CFAP92: variants seen among roughly 807,000 people sequenced by gnomAD.
CFAP92 encodes cilia and flagella associated protein 92 (putative), also known as uncharacterized protein CFAP92.
Under a neutral mutation model 106.3 loss-of-function variants are expected in CFAP92, and 86 were observed. That is an observed-to-expected ratio of 0.81 (90% confidence interval 0.68 to 0.97). CFAP92 has a LOEUF of 0.97. Among genes scored for constraint, CFAP92 ranks in the 50% least tolerant of loss-of-function variants. The pLI is 0.00. For synonymous variants in CFAP92, 477 were observed against 506.4 expected, an observed-to-expected ratio of 0.94 and a Z score of 0.78; for missense variants, 1,204 against 1,283.8, an observed-to-expected ratio of 0.94 and a Z score of 0.95.
chr3:128,924,432 CTTTTTTTTTT>C (rs71153151), intron 12 of CFAP92, among the ~76,000 whole-genome samples: 55 of 69,826 alleles, frequency 7.9e-4, no homozygotes, highest in African/African-American at 2.6e-3. Context: ...ACGATTGTAT[CTTTTTTTTTT>C]TTTTTTTTTT....
At chr3:128,992,516 C>T (rs1944276716) in intron 2 of CFAP92, among the ~76,000 whole-genome samples, 1 of 151,984 alleles carries the variant, frequency 6.6e-6, no homozygotes, top group Admixed American at 6.5e-5. Flanking sequence ...GAGCTGAGAT[C>T]GCACCACTGC....
At chr3:128,972,069 G>A (rs547710060) in intron 7 of CFAP92, among the ~76,000 whole-genome samples, 4 of 152,304 alleles carry the variant, frequency 2.6e-5, no homozygotes, top group Admixed American at 2.6e-4. Context: ...GCCAGAAGTG[G>A]CATTTCAAAT....
intron 12 of CFAP92, among the ~76,000 whole-genome samples, chr3:128,922,597 A>G (rs1231664868): frequency 6.6e-6 from 1 of 152,220 alleles, no homozygotes; most frequent in Non-Finnish European, 1.5e-5. Context: ...ACTGAAGCTG[A>G]TGTCTCTATT....
Position 128,945,332 on chromosome 3 carries a change from TCAAAGA to T in CFAP92, c.1991_1996del (p.Val664_Phe665del). The T allele has an allele frequency of 6.5e-7, 1 of 1,536,100 alleles. No individual in the cohort carries two copies. On this transcript the variant is annotated inframe_deletion, in exon 10 of 16. Transcript: ENST00000645291. ...GTGGAGCAGGGAGACCTTCTTAAAGTCAAAGACGAAGATGATGCGGCCAAACTGGGA... is the reference window on the plus strand; with the variant it reads ...GTGGAGCAGGGAGACCTTCTTAAAGTCGAAGATGATGCGGCCAAACTGGGA...
chr3:128,987,493 T>G (rs1263204698), intron 4 of CFAP92, 123 bp downstream of exon 4: 2 of 806,906 alleles, frequency 2.5e-6, no homozygotes, highest in Non-Finnish European at 4.0e-6. Flanking sequence ...CCCTGCAACA[T>G]CTGCAAAACC....
the CFAP92 span, among the ~76,000 whole-genome samples, chr3:129,024,662 G>A: frequency 6.6e-6 from 1 of 152,124 alleles, no homozygotes; most frequent in African/African-American, 2.4e-5. Flanking sequence ...GAAGGTAGAA[G>A]AACAAAAGAG....
intron 10 of CFAP92, among the ~76,000 whole-genome samples, chr3:128,942,108 A>G (rs961422015): frequency 6.6e-6 from 1 of 152,206 alleles, no homozygotes; most frequent in Non-Finnish European, 1.5e-5. Context: ...GCAAGTTCAG[A>G]AGGTTTCTGA....
chr3:128,932,786 C>CT lies in CFAP92; in HGVS notation c.2664dup (p.Glu889ArgfsTer51). ...TACTTCTCCTGGTGGGCGTGGATCT[C>CT]TAAGGTGAGGGTGGAGTTCCGACTG... is the stretch of plus-strand genomic sequence containing the variant. On this transcript the variant is annotated frameshift_variant, in exon 12 of 16. Transcript: ENST00000645291. LOFTEE classifies it high-confidence loss of function. 1 of 1,536,200 alleles carries CT rather than the reference C, an allele frequency of 6.5e-7. No homozygotes were observed. The highest frequency in any genetic ancestry group is 8.7e-7 in the Non-Finnish European group (1 of 1,146,922).
intron 1 of CFAP92, chr3:129,001,700 G>A: frequency 3.3e-6 from 5 of 1,498,782 alleles, no homozygotes; most frequent in Non-Finnish European, 4.4e-6. Flanking sequence ...GGCGACCTGC[G>A]CGGCGCACGC....
At chr3:129,007,157 A>G (rs1004196112), upstream of CFAP92, among the ~76,000 whole-genome samples, 2 of 152,158 alleles carry the variant, frequency 1.3e-5, no homozygotes, top group Admixed American at 6.5e-5. Flanking sequence ...AGTATGCACA[A>G]ATCCTTCTGG....
intron 8 of CFAP92, chr3:128,967,978 A>G (rs6790928): frequency 0.039 from 5,951 of 152,340 alleles, 296 homozygotes; most frequent in African/African-American, 0.11. Flanking sequence ...ACACACAGCC[A>G]AGTGTCCCCA....
chr3:128,995,014 G>A (rs1313237052), upstream of CFAP92, among the ~76,000 whole-genome samples: 1 of 152,236 alleles, frequency 6.6e-6, no homozygotes, highest in Non-Finnish European at 1.5e-5. Flanking sequence ...GGCAGGTTAG[G>A]GCACAGGACT....
In CFAP92 at chr3:128,964,408, T is replaced by C. The variant is rs896856671; in HGVS notation, c.1353+1103A>G. 6.6e-5 allele frequency among the ~76,000 whole-genome samples: 10 copies of C among 152,298 alleles called. No individual in the cohort carries two copies. The East Asian group carries it at 7.7e-4, about 12-fold the overall frequency. The stretch of plus-strand genomic sequence containing the variant: ...AAAAACTTGTCATCCCTACTATCTT[T>C]TGTCTAGTCATACTCCTATTCACCG... On this transcript the variant is annotated intron_variant, in intron 9 of 15. Coordinates refer to ENST00000645291, the MANE Select transcript of CFAP92 (RefSeq NM_001394090.1).
At chr3:129,006,379 C>T (rs188043706), upstream of CFAP92, among the ~76,000 whole-genome samples, 82 of 152,310 alleles carry the variant, frequency 5.4e-4, no homozygotes, top group Admixed American at 1.6e-3. Context: ...TGCAATGGTG[C>T]GATCTTGGCT....
chr3:128,916,739 G>A (rs1371809182), intron 12 of CFAP92, among the ~76,000 whole-genome samples: 3 of 152,202 alleles, frequency 2.0e-5, no homozygotes. Context: ...CCTGAACAGA[G>A]AGAAATAAGA....
chr3:128,947,016 C>G (rs1198320121), intron 9 of CFAP92, among the ~76,000 whole-genome samples: 3 of 152,140 alleles, frequency 2.0e-5, no homozygotes, highest in Non-Finnish European at 4.4e-5. Flanking sequence ...ACCAGATTTT[C>G]TCTGTAAAAC....
intron 9 of CFAP92, among the ~76,000 whole-genome samples, chr3:128,956,167 T>G: frequency 2.1e-5 from 1 of 46,938 alleles, no homozygotes; most frequent in Non-Finnish European, 3.8e-5. Flanking sequence ...CCAAGAATTA[T>G]CAATAAAAAA....
Position 128,991,922 on chromosome 3 carries a change from A to G in CFAP92, c.262+1121T>C, listed in dbSNP as rs7645617. On this transcript the variant is annotated intron_variant, in intron 2 of 15. Coordinates refer to ENST00000645291, the MANE Select transcript of CFAP92 (RefSeq NM_001394090.1). Reference sequence around the variant, plus strand: ...TCTCCTCCCCTCATATTGGGCTGGAACCATGTGACTTGGTTTGGCCAATAA... The same window carrying G: ...TCTCCTCCCCTCATATTGGGCTGGAGCCATGTGACTTGGTTTGGCCAATAA... The G allele has an allele frequency of 0.016, 15,652 of 978,326 alleles. 929 individuals carry two copies. In the African/African-American group the frequency reaches 0.18, roughly 11 times the overall value. The allele number at this position is 978,326 out of a possible 1,614,324, so 60.6% of individuals were successfully genotyped here. A position where few individuals can be genotyped will look rare whatever the true frequency, so the allele number is the denominator to read the frequency against.
chr3:129,023,795 C>T, the CFAP92 span, among the ~76,000 whole-genome samples: 7 of 152,214 alleles, frequency 4.6e-5, no homozygotes, highest in South Asian at 4.1e-4. Context: ...TATCCTATCA[C>T]GTAGGGTCCA....
Sources: allele counts gnomAD v4.1 joint callset (sites outside exome capture counted in the v4.1 genomes callset), GRCh38; gene constraint gnomAD v4.1.1; transcripts MANE v1.5; gene names NCBI Gene and HGNC (gene_info 2026-07-23, HGNC 2026-07-21).